ARL4D: variants seen among roughly 807,000 people sequenced by gnomAD.
The protein encoded by ARL4D is ADP-ribosylation factor-like protein 4D.
A neutral mutation model predicts 0.6 loss-of-function variants in ARL4D; 1 was observed. The observed-to-expected ratio is 1.64, with a 90% CI of 0.58 to 7.76. The LOEUF is 7.76. Ranked by LOEUF, ARL4D falls within the 30% of genes most tolerant of loss-of-function variation. ARL4D has a pLI of 0.14. For synonymous variants in ARL4D, 102 were observed against 115.2 expected (o/e 0.89, Z 0.73); for missense variants, 230 against 264.5 (o/e 0.87, Z 0.90).
intron 1 of ARL4D, among the ~76,000 whole-genome samples, chr17:43,399,421 C>T (rs1316102420): frequency 6.6e-6 from 1 of 151,654 alleles, no homozygotes; most frequent in East Asian, 1.9e-4. Context: ...TGGATCGAGC[C>T]CTCACCCCCC....
Position 43,400,069 on chromosome 17 carries a change from A to G in ARL4D, c.337A>G (p.Lys113Glu), listed in dbSNP as rs753140896. Residue 113 changes from lysine (K) to glutamate (E), a missense_variant, in exon 2 of 2, where the codon AAG becomes GAG. Coordinates refer to ENST00000320033, the MANE Select transcript of ARL4D (RefSeq NM_001661.4). ...AAEAERLEEA[K>E]VELHRISRAS... ...GGAGGCTGAGCGGCTGGAGGAAGCC[A>G]AGGTGGAGTTGCACCGAATCAGCCG... 8.1e-6 allele frequency: 13 copies of G among 1,613,048 alleles called. No individual in the cohort carries two copies. Among genetic ancestry groups the G allele is most frequent in the Non-Finnish European group, 1.1e-5 (13 of 1,180,020 alleles).
In ARL4D at chr17:43,399,929, G is replaced by C; in HGVS notation, c.197G>C (p.Gly66Ala). Reference sequence around the variant, plus strand: ...GAGAAGATCCGGGTGCCCCTCGGGGGATCGCGTGGCATCACCTTCCAAGTG... The same window carrying C: ...GAGAAGATCCGGGTGCCCCTCGGGGCATCGCGTGGCATCACCTTCCAAGTG... ...NTEKIRVPLG[G>A]SRGITFQVWD... The change falls in exon 2 of 2, where the codon GGA becomes GCA. Residue 66 changes from glycine to alanine, a missense_variant. Gly to Ala is a moderately conservative substitution (Grantham distance 60). This residue lies in a region of ARL4D where 91 missense variants were observed against 100.4 expected (regional missense o/e 0.91). Transcript: ENST00000320033. 2 of 1,614,046 alleles carry C rather than the reference G, an allele frequency of 1.2e-6. No homozygotes were observed. The highest frequency in any genetic ancestry group is 1.7e-6 in the Non-Finnish European group (2 of 1,180,012).
chr17:43,400,455 T>C lies in ARL4D; in HGVS notation c.*117T>C, dbSNP rs1323135893. The C allele has an allele frequency of 7.3e-7, 1 of 1,360,740 alleles. No homozygotes were observed. The highest frequency in any genetic ancestry group is 2.6e-5 in the Admixed American group (1 of 37,946). 84.3% of individuals were successfully genotyped at this position (1,360,740 alleles called of 1,614,324 possible). A position where few individuals can be genotyped will look rare whatever the true frequency, so the allele number is the denominator to read the frequency against. ...GGGGTGCAGGACCTGTCCACCTCAA[T>C]GAAGGAGAGAGGAGCATGGGGTGTC... On this transcript the variant is annotated 3_prime_UTR_variant, in exon 2 of 2. Transcript: ENST00000320033.
chr17:43,399,295 G>C (rs1292314533), intron 1 of ARL4D, among the ~76,000 whole-genome samples: 1 of 152,142 alleles, frequency 6.6e-6, no homozygotes, highest in Non-Finnish European at 1.5e-5. Flanking sequence ...CGGTCTCAGC[G>C]TCTGCACCCT....
rs755255761 is a variant in ARL4D, at chr17:43,400,390, A to G, written c.*52A>G. ...ACCTAGTAGGGGTCTGCACACTTGG[A>G]CAGCAGGGTGGGACCAGCCTGTGAC... is the stretch of plus-strand genomic sequence containing the variant. On this transcript the variant is annotated 3_prime_UTR_variant, in exon 2 of 2. Transcript: ENST00000320033. 3 of 1,525,438 alleles carry G rather than the reference A, an allele frequency of 2.0e-6. No individual in the cohort carries two copies. The highest frequency in any genetic ancestry group is 2.6e-6 in the Non-Finnish European group (3 of 1,138,270). 94.5% of individuals were successfully genotyped at this position (1,525,438 alleles called of 1,614,324 possible). A position where few individuals can be genotyped will look rare whatever the true frequency, so the allele number is the denominator to read the frequency against.
At position 43,399,000 on chromosome 17, in the gene ARL4D, G is replaced by A. The variant is rs1053232569; in HGVS notation, c.-166G>A. ...ACCCTAGGCAGGCTCTGCAGAGGCA[G>A]CGGTTGGAGGCGCGGTGGGTGTCTG... On this transcript the variant is annotated 5_prime_UTR_variant, in exon 1 of 2. Transcript: ENST00000320033. The A allele has an allele frequency of 4.6e-5, 7 of 152,314 alleles. No individual in the cohort carries two copies. The highest frequency in any genetic ancestry group is 6.5e-5 in the Admixed American group (1 of 15,294). 9.4% of individuals were successfully genotyped at this position (152,314 alleles called of 1,614,324 possible).
In ARL4D at chr17:43,400,347, C is replaced by T; in HGVS notation, c.*9C>T. ...GCAAGAAGAGACGGTGACCCAAGCC[C>T]CCCCTCCCTTTCCTCCCACCTAGTA... On this transcript the variant is annotated 3_prime_UTR_variant, in exon 2 of 2. Coordinates refer to ENST00000320033, the MANE Select transcript of ARL4D (RefSeq NM_001661.4). 1 of 1,562,188 alleles carries T rather than the reference C, an allele frequency of 6.4e-7. No individual in the cohort carries two copies. The highest frequency in any genetic ancestry group is 8.7e-7 in the Non-Finnish European group (1 of 1,154,100).
At position 43,401,015 on chromosome 17, in the gene ARL4D, G is replaced by A. The variant is rs1051537843; in HGVS notation, c.*677G>A. 2 of 166,944 alleles carry A rather than the reference G, an allele frequency of 1.2e-5. No homozygotes were observed. The highest frequency in any genetic ancestry group is 4.8e-5 in the African/African-American group (2 of 41,386). 10.3% of individuals were successfully genotyped at this position (166,944 alleles called of 1,614,324 possible). Reference sequence around the variant, plus strand: ...CAAGATTTCTATATGGGGTTGTGGCGCAGGGGGAGGGAGATTTATCTTGAA... The same window carrying A: ...CAAGATTTCTATATGGGGTTGTGGCACAGGGGGAGGGAGATTTATCTTGAA... On this transcript the variant is annotated 3_prime_UTR_variant, in exon 2 of 2. Coordinates refer to ENST00000320033, the MANE Select transcript of ARL4D (RefSeq NM_001661.4).
Position 43,399,963 on chromosome 17 carries a change from C to T in ARL4D, c.231C>T (p.Val77=), listed in dbSNP as rs775275422. The T allele has an allele frequency of 1.4e-5, 22 of 1,613,734 alleles. No homozygotes were observed. In the South Asian group the frequency reaches 2.1e-4, roughly 15 times the overall value. ...SRGITFQVWD[V]GGQEKLRPLW... is the part of the protein sequence containing the mutation. ...GCATCACCTTCCAAGTGTGGGACGT[C>T]GGGGGGCAGGAGAAGCTGCGACCAC... The change falls in exon 2 of 2, where the codon GTC becomes GTT. Residue 77 remains valine, a synonymous_variant. Transcript: ENST00000320033.
rs1343784186 is a variant in ARL4D, at chr17:43,399,746, T to G, written c.14T>G (p.Leu5Trp). ...CCTTAGCTCACTATGGGGAACCACT[T>G]GACTGAGATGGCGCCCACTGCCTCC... The part of the protein sequence containing the change: MGNH[L>W]TEMAPTASSF... The change falls in exon 2 of 2, where the codon TTG becomes TGG. Residue 5 changes from leucine to tryptophan, a missense_variant. Around this residue, in one of 3 missense-constraint regions of ARL4D, gnomAD observed 91 missense variants for 100.4 expected, o/e 0.91. Transcript: ENST00000320033. 1.2e-6 allele frequency: 2 copies of G among 1,612,776 alleles called. No homozygotes were observed. The highest frequency in any genetic ancestry group is 1.7e-6 in the Non-Finnish European group (2 of 1,179,150).
rs61749921 is a variant in ARL4D, at chr17:43,400,302, G to A, written c.570G>A (p.Arg190=). The change falls in exon 2 of 2, where the codon AGG becomes AGA. Residue 190 remains arginine (R), a synonymous_variant. Transcript: ENST00000320033. ...LERLYEMILK[R]KKAARGGKKR... ...GCCTCTATGAGATGATCCTCAAGAGGAAGAAGGCAGCTCGGGGTGGCAAGA... is the reference window on the plus strand; with the variant it reads ...GCCTCTATGAGATGATCCTCAAGAGAAAGAAGGCAGCTCGGGGTGGCAAGA... 3.0e-3 allele frequency: 4,728 copies of A among 1,600,000 alleles called. 132 individuals are homozygous for A. The African/African-American group carries it at 0.056, about 19-fold the overall frequency.
chr17:43,400,391 C>T lies in ARL4D; in HGVS notation c.*53C>T. 1.3e-6 allele frequency: 2 copies of T among 1,524,702 alleles called. No individual in the cohort carries two copies. The highest frequency in any genetic ancestry group is 1.3e-5 in the South Asian group (1 of 76,394). 94.4% of individuals were successfully genotyped at this position (1,524,702 alleles called of 1,614,324 possible). ...CCTAGTAGGGGTCTGCACACTTGGA[C>T]AGCAGGGTGGGACCAGCCTGTGACC... is the stretch of plus-strand genomic sequence containing the variant. On this transcript the variant is annotated 3_prime_UTR_variant, in exon 2 of 2. Coordinates refer to ENST00000320033, the MANE Select transcript of ARL4D (RefSeq NM_001661.4).
At position 43,399,793 on chromosome 17, in the gene ARL4D, G is replaced by A. The variant is rs367828140; in HGVS notation, c.61G>A (p.Ala21Thr). 6 of 1,613,854 alleles carry A rather than the reference G, an allele frequency of 3.7e-6. No individual in the cohort carries two copies. The Admixed American group carries it at 5.0e-5, about 13-fold the overall frequency. ...CTCCTCCTTCTTGCCCCACTTCCAA[G>A]CCCTGCATGTCGTGGTCATTGGGCT... Reference protein sequence around the residue: ...TASSFLPHFQALHVVVIGLDS... With the variant: ...TASSFLPHFQTLHVVVIGLDS... Residue 21 changes from alanine (A) to threonine (T), a missense_variant, in exon 2 of 2, where the codon GCC (alanine) becomes ACC (threonine). Around this residue, in one of 3 missense-constraint regions of ARL4D, gnomAD observed 91 missense variants for 100.4 expected, o/e 0.91. Transcript: ENST00000320033.
chr17:43,400,055 G>C lies in ARL4D; in HGVS notation c.323G>C (p.Arg108Pro). 1 of 1,613,584 alleles carries C rather than the reference G, an allele frequency of 6.2e-7. No individual in the cohort carries two copies. The highest frequency in any genetic ancestry group is 8.5e-7 in the Non-Finnish European group (1 of 1,180,024). The stretch of plus-strand genomic sequence containing the variant: ...GTGGTGGACGCTGCGGAGGCTGAGC[G>C]GCTGGAGGAAGCCAAGGTGGAGTTG... ...VFVVDAAEAE[R>P]LEEAKVELHR... The change falls in exon 2 of 2, where the codon CGG becomes CCG. Residue 108 changes from arginine to proline, a missense_variant. By Grantham distance (103) the Arg-to-Pro change is moderately radical. Coordinates refer to ENST00000320033, the MANE Select transcript of ARL4D (RefSeq NM_001661.4).
At position 43,399,807 on chromosome 17, in the gene ARL4D, G is replaced by T; in HGVS notation, c.75G>T (p.Val25=). 6.2e-7 allele frequency: 1 copy of T among 1,613,988 alleles called. No homozygotes were observed. Among genetic ancestry groups the T allele is most frequent in the Non-Finnish European group, 8.5e-7 (1 of 1,179,994 alleles). The stretch of plus-strand genomic sequence containing the variant: ...CCCACTTCCAAGCCCTGCATGTCGT[G>T]GTCATTGGGCTGGACTCTGCTGGAA... The part of the protein sequence containing the change: ...FLPHFQALHV[V]VIGLDSAGKT... The change falls in exon 2 of 2, where the codon GTG becomes GTT. Residue 25 remains valine (V), a synonymous_variant. Transcript: ENST00000320033.
chr17:43,399,597 G>A (rs1598079992), intron 1 of ARL4D, 64 bp from the exon 2 acceptor site: 2 of 1,104,956 alleles, frequency 1.8e-6, no homozygotes, highest in East Asian at 4.8e-5. Context: ...GGATCAAGAA[G>A]TTGCAAATCT....
In ARL4D at chr17:43,399,709, C is replaced by A. The variant is rs765125323; in HGVS notation, c.-24C>A. The A allele has an allele frequency of 3.1e-6, 5 of 1,592,180 alleles. No individual in the cohort carries two copies. Among genetic ancestry groups the A allele is most frequent in the African/African-American group, 1.3e-5 (1 of 74,158 alleles). ...ACCTTCAATTTCAAGGCCTCCCTGC[C>A]TCTACTAGGCGCCTTAGCTCACTAT... On this transcript the variant is annotated 5_prime_UTR_variant, in exon 2 of 2. Coordinates refer to ENST00000320033, the MANE Select transcript of ARL4D (RefSeq NM_001661.4).
In ARL4D at chr17:43,401,071, A is replaced by G. The variant is rs2058086888; in HGVS notation, c.*733A>G. ...ATTTGCAAAGCAAGCACTTATAAAA[A>G]TTAGATTGTGTGTTACGGGATGGCT... On this transcript the variant is annotated 3_prime_UTR_variant, in exon 2 of 2. Transcript: ENST00000320033. The G allele has an allele frequency of 6.0e-6, 1 of 167,026 alleles. No individual in the cohort carries two copies. The highest frequency in any genetic ancestry group is 2.4e-5 in the African/African-American group (1 of 41,400). The allele number at this position is 167,026 out of a possible 1,614,324, so 10.3% of individuals were successfully genotyped here.
chr17:43,399,497 G>A (rs1452441605), intron 1 of ARL4D, among the ~76,000 whole-genome samples, 164 bp from the exon 2 acceptor site: 2 of 149,982 alleles, frequency 1.3e-5, no homozygotes, highest in Non-Finnish European at 3.0e-5. Flanking sequence ...CCCCCCCAGG[G>A]AGTGGGGGAA....
Sources: gnomAD v4.1 joint callset for allele counts (sites outside exome capture counted in the v4.1 genomes callset) on GRCh38, gnomAD v4.1.1 for gene constraint, gnomAD v4.1.1 regional missense constraint, MANE v1.5 for transcripts, NCBI Gene and HGNC (gene_info 2026-07-23, HGNC 2026-07-21) for gene names.